The following HIVEP3 variants were observed in gnomAD, a reference collection of about 807,000 sequenced individuals.
HIVEP3 encodes the protein HIVEP zinc finger 3.
In HIVEP3, 49 loss-of-function variants were observed where a neutral mutation model predicts 152.8. That is an observed-to-expected ratio of 0.32 (90% CI 0.26 to 0.41). HIVEP3 has a LOEUF of 0.41. Among genes scored for constraint, HIVEP3 ranks in the 10% least tolerant of loss-of-function variants. The probability of loss-of-function intolerance (pLI) is 1.00; values close to 1 mark genes in which losing one functional copy is unlikely to be tolerated. For synonymous variants in HIVEP3, 1,269 were observed against 1,289.0 expected (o/e 0.98, Z 0.33); for missense variants, 2,790 against 3,103.3 (o/e 0.90, Z 2.40).
chr1:41,864,049 AG>A, intron 1 of HIVEP3, among the ~76,000 whole-genome samples: 1 of 152,314 alleles, frequency 6.6e-6, no homozygotes, highest in East Asian at 1.9e-4. Flanking sequence ...CTGCACCAAA[AG>A]GAAGTGGCAG....
At position 41,598,962 on chromosome 1, in the gene HIVEP3, C is replaced by T. The variant is rs557080460; in HGVS notation, c.-521-13644G>A. ...TCCCAAGCAGCTGGGACTACAGACA[C>T]GTGCCACCATGCTCGGCTAATTTTT... On this transcript the variant is annotated intron_variant, in intron 3 of 8. Transcript: ENST00000372583. 6.2e-4 allele frequency among the ~76,000 whole-genome samples: 95 copies of T among 152,064 alleles called. 4 individuals are homozygous for T. The highest frequency in any genetic ancestry group is 3.4e-3 in the Middle Eastern group (1 of 294).
At chr1:41,801,320 C>T (rs1650289545) in intron 1 of HIVEP3, among the ~76,000 whole-genome samples, 4 of 152,088 alleles carry the variant, frequency 2.6e-5, no homozygotes, top group Admixed American at 2.0e-4. Context: ...TCCCTTCTTC[C>T]CTTTCCAAGG....
intron 1 of HIVEP3, among the ~76,000 whole-genome samples, chr1:41,830,080 C>T (rs1022861369): frequency 6.6e-6 from 1 of 152,062 alleles, no homozygotes; most frequent in Non-Finnish European, 1.5e-5. Flanking sequence ...CTCATTGACC[C>T]CGTAGATTTG....
At chr1:41,620,695 CCT>C (rs1278651496) in intron 3 of HIVEP3, among the ~76,000 whole-genome samples, 1 of 152,168 alleles carries the variant, frequency 6.6e-6, no homozygotes, top group Non-Finnish European at 1.5e-5. Flanking sequence ...TCTTTTCACC[CCT>C]CTGTCTCTGG....
chr1:41,592,219 G>A (rs899139225), intron 3 of HIVEP3, among the ~76,000 whole-genome samples: 1 of 152,172 alleles, frequency 6.6e-6, no homozygotes, highest in Non-Finnish European at 1.5e-5. Flanking sequence ...CACCTTGGCT[G>A]CCATGGGTCC....
intron 3 of HIVEP3, among the ~76,000 whole-genome samples, chr1:41,625,162 CAAAAAAAAAAAAA>C (rs59268661): frequency 1.3e-4 from 9 of 71,276 alleles, no homozygotes; most frequent in East Asian, 5.1e-4. Context: ...GATTCCAACT[CAAAAAAAAAAAAA>C]AAAAAAAAAA....
intron 5 of HIVEP3, among the ~76,000 whole-genome samples, chr1:41,565,857 C>T (rs1359822529): frequency 6.6e-6 from 1 of 152,184 alleles, no homozygotes; most frequent in Non-Finnish European, 1.5e-5. Context: ...AGAGATCTTC[C>T]CTGACAGGGC....
intron 1 of HIVEP3, among the ~76,000 whole-genome samples, chr1:41,961,746 C>G (rs2124497919): frequency 6.6e-6 from 1 of 152,348 alleles, no homozygotes; most frequent in East Asian, 1.9e-4. Flanking sequence ...AGAAAACATT[C>G]CCTGATTCCA....
At chr1:41,575,750 T>A in intron 4 of HIVEP3, 61 bp from the exon 5 acceptor site, 1 of 1,563,068 alleles carries the variant, frequency 6.4e-7, no homozygotes, top group Admixed American at 1.7e-5. Context: ...CAGTCACGAA[T>A]GCAATGCTAA....
At chr1:41,656,250 T>C (rs1335702157) in intron 2 of HIVEP3, among the ~76,000 whole-genome samples, 1 of 152,176 alleles carries the variant, frequency 6.6e-6, no homozygotes, top group South Asian at 2.1e-4. Flanking sequence ...ACTTCCTTAC[T>C]GTATTCACTC....
chr1:41,926,959 A>C (rs1644971429), intron 1 of HIVEP3, among the ~76,000 whole-genome samples: 1 of 152,156 alleles, frequency 6.6e-6, no homozygotes, highest in African/African-American at 2.4e-5. Context: ...TTTCTAGCAC[A>C]CTAGAAAGTT....
At chr1:41,775,137 A>G (rs939101685) in intron 1 of HIVEP3, among the ~76,000 whole-genome samples, 5 of 152,108 alleles carry the variant, frequency 3.3e-5, no homozygotes, top group Non-Finnish European at 7.4e-5. Context: ...TGGTAAACTG[A>G]ATAGCCACAT....
chr1:41,751,515 G>A (rs1647163159), intron 1 of HIVEP3, among the ~76,000 whole-genome samples: 2 of 151,912 alleles, frequency 1.3e-5, no homozygotes, highest in African/African-American at 4.8e-5. Context: ...AAAACCCCAG[G>A]AGGATGTGGT....
intron 1 of HIVEP3, among the ~76,000 whole-genome samples, chr1:41,896,115 C>T (rs1037931695): frequency 5.3e-5 from 8 of 152,108 alleles, no homozygotes; most frequent in African/African-American, 1.9e-4. Flanking sequence ...TTCCTAGGTG[C>T]GATTCCCAGC....
At chr1:41,869,799 T>C (rs1644046823) in intron 1 of HIVEP3, among the ~76,000 whole-genome samples, 1 of 152,214 alleles carries the variant, frequency 6.6e-6, no homozygotes, top group African/African-American at 2.4e-5. Context: ...AGTTTTTTAA[T>C]ATCAATTATA....
At chr1:41,532,185 C>T (rs79249304) in intron 5 of HIVEP3, among the ~76,000 whole-genome samples, 3,423 of 117,518 alleles carry the variant, frequency 0.029, 206 homozygotes, top group African/African-American at 0.11. Context: ...AGATGGAGGA[C>T]AAGAGAGATG....
At position 41,582,158 on chromosome 1, in the gene HIVEP3, C is replaced by T. The variant is rs756983651; in HGVS notation, c.2640G>A (p.Lys880=). The T allele has an allele frequency of 6.2e-7, 1 of 1,614,070 alleles. No individual in the cohort carries two copies. Among genetic ancestry groups the T allele is most frequent in the Non-Finnish European group, 8.5e-7 (1 of 1,179,986 alleles). ...GCTGGGGCCATTGGAACTCCTCAGT[C>T]TTCTCAGGTTCCTTAGGGGGCGGCT... ...EPEPPPKEPE[K]TEEFQWPQRS... is the part of the protein sequence containing the mutation. The change falls in exon 4 of 9, where the codon AAG becomes AAA. Residue 880 remains lysine (K), a synonymous_variant. Coordinates refer to ENST00000372583, the MANE Select transcript of HIVEP3 (RefSeq NM_024503.5). This position sits in a 1 kb window ranked among gnomAD's most constrained non-coding sequence, Gnocchi z 4.7.
chr1:41,893,837 T>C (rs1421516384), intron 1 of HIVEP3, among the ~76,000 whole-genome samples: 1 of 147,314 alleles, frequency 6.8e-6, no homozygotes, highest in East Asian at 1.9e-4. Flanking sequence ...ACATATAATA[T>C]ATATTATATA....
At chr1:41,874,290 G>GGGAT (rs1207494494) in intron 1 of HIVEP3, among the ~76,000 whole-genome samples, 4 of 152,210 alleles carry the variant, frequency 2.6e-5, no homozygotes, top group Non-Finnish European at 5.9e-5. Flanking sequence ...GATTTCACTT[G>GGGAT]GGATGTTCAT....
Sources: gnomAD v4.1 joint callset for allele counts (sites outside exome capture counted in the v4.1 genomes callset) on GRCh38, gnomAD v4.1.1 for gene constraint, Gnocchi (gnomAD v3.1) non-coding constraint, MANE v1.5 for transcripts, NCBI Gene and HGNC (gene_info 2026-07-23, HGNC 2026-07-21) for gene names.